FUNDC1: variants seen among roughly 807,000 people sequenced by gnomAD.
FUNDC1 encodes FUN14 domain containing 1.
FUNDC1 carries 10 observed loss-of-function variants against 14.5 expected under a neutral mutation model. The observed-to-expected ratio is 0.69, with a 90% CI of 0.43 to 1.17. The LOEUF (loss-of-function observed/expected upper bound fraction) is 1.17, where lower values mean the gene tolerates loss of function less well. Ranked by LOEUF, FUNDC1 falls within the 50% of genes most tolerant of loss-of-function variation. The pLI is 0.00. For missense variants in FUNDC1, 115 were observed against 113.8 expected (o/e 1.01, Z -0.05); for synonymous variants, 33 against 39.7 (o/e 0.83, Z 0.64).
At chrX:44,540,420 G>GTGTA (rs1453747504) in intron 2 of FUNDC1, among the ~76,000 whole-genome samples, 2 of 108,465 alleles carry the variant, frequency 1.8e-5, no homozygotes, top group African/African-American at 3.4e-5. Flanking sequence ...TGTGTTGTGT[G>GTGTA]TGTGTGTGTG....
At chrX:44,535,688 A>G (rs1174337414) in intron 3 of FUNDC1, among the ~76,000 whole-genome samples, 4 of 102,837 alleles carry the variant, frequency 3.9e-5, no homozygotes, top group Non-Finnish European at 7.9e-5. Flanking sequence ...AAAAAAAAAA[A>G]AAAAGAAAGA....
intron 3 of FUNDC1, among the ~76,000 whole-genome samples, chrX:44,528,271 T>C (rs747732490): frequency 6.2e-5 from 7 of 112,411 alleles, no homozygotes; most frequent in Non-Finnish European, 1.3e-4. Flanking sequence ...AAATATCTGA[T>C]TTTGCATAAA....
Position 44,538,498 on chromosome X carries a change from G to A in FUNDC1, c.230C>T (p.Thr77Ile). 8.3e-7 allele frequency: 1 copy of A among 1,208,662 alleles called. No homozygotes were observed. Among genetic ancestry groups the A allele is most frequent in the Non-Finnish European group, 1.1e-6 (1 of 892,741 alleles). ...LFQKVGKLAA[T>I]AVGGGFLLLQ... ...AAGAAGAAAGCCACCACCTACTGCA[G>A]TTGCTGCAAGTTTTCCAACTTTCTG... Residue 77 changes from threonine to isoleucine, a missense_variant, in exon 3 of 5, where the codon ACT becomes ATT. Coordinates refer to ENST00000378045, the MANE Select transcript of FUNDC1 (RefSeq NM_173794.4).
intron 4 of FUNDC1, 121 bp from the exon 5 acceptor site, chrX:44,524,396 G>A (rs761586651): frequency 5.8e-5 from 28 of 480,029 alleles, no homozygotes; most frequent in South Asian, 2.6e-4. Flanking sequence ...GATTCTGCTC[G>A]TATGAGTAGT....
Position 44,541,861 on chromosome X carries a change from T to G in FUNDC1, c.185+84A>C, listed in dbSNP as rs917269269. On this transcript the variant is annotated intron_variant, in intron 2 of 4. Transcript: ENST00000378045. Reference sequence around the variant, plus strand: ...ATTAACAGTGTAGACCTACTGCCTGTGCACGGTGATTCTTGCCCATGTATG... The same window carrying G: ...ATTAACAGTGTAGACCTACTGCCTGGGCACGGTGATTCTTGCCCATGTATG... 5.8e-6 allele frequency: 5 copies of G among 858,094 alleles called. No individual in the cohort carries two copies. The African/African-American group carries it at 6.1e-5, about 10-fold the overall frequency. The allele number at this position is 858,094 out of a possible 1,213,427, so 70.7% of individuals were successfully genotyped here. A position where few individuals can be genotyped will look rare whatever the true frequency, so the allele number is the denominator to read the frequency against.
At chrX:44,539,794 A>G (rs112465233) in intron 2 of FUNDC1, among the ~76,000 whole-genome samples, 1 of 110,545 alleles carries the variant, frequency 9.0e-6, no homozygotes, top group African/African-American at 3.3e-5. Context: ...AGCCTCCTGA[A>G]TAGCTGGGAT....
At chrX:44,540,652 G>T (rs778856476) in intron 2 of FUNDC1, among the ~76,000 whole-genome samples, 1 of 111,833 alleles carries the variant, frequency 8.9e-6, no homozygotes, top group African/African-American at 3.2e-5. Context: ...TCATCTACAA[G>T]GAGTCTGGTC....
At chrX:44,536,608 A>T (rs1479605794) in intron 3 of FUNDC1, among the ~76,000 whole-genome samples, 1 of 111,982 alleles carries the variant, frequency 8.9e-6, no homozygotes, top group Non-Finnish European at 1.9e-5. Context: ...TTCCCATTCC[A>T]TAATGGGAAG....
intron 2 of FUNDC1, among the ~76,000 whole-genome samples, chrX:44,539,956 C>T (rs951758234): frequency 9.0e-6 from 1 of 110,955 alleles, no homozygotes; most frequent in African/African-American, 3.3e-5. Context: ...TGTAAGCCAC[C>T]GCACCTGGCC....
intron 1 of FUNDC1, among the ~76,000 whole-genome samples, chrX:44,542,570 G>C (rs1213885825): frequency 9.1e-6 from 1 of 110,232 alleles, no homozygotes; most frequent in African/African-American, 3.3e-5. Context: ...GGCCGGAGGT[G>C]AAGGTAAGGC....
chrX:44,541,649 T>C (rs2038972246), intron 2 of FUNDC1, among the ~76,000 whole-genome samples: 1 of 111,282 alleles, frequency 9.0e-6, no homozygotes, highest in African/African-American at 3.3e-5. Flanking sequence ...CTATCTACTA[T>C]CACTGAATCA....
intron 3 of FUNDC1, among the ~76,000 whole-genome samples, chrX:44,534,725 A>T (rs1445069263): frequency 8.9e-6 from 1 of 112,404 alleles, no homozygotes; most frequent in African/African-American, 3.2e-5. Context: ...TTAATAAATT[A>T]TCAAACAAAT....
chrX:44,534,571 G>A (rs2038939893), intron 3 of FUNDC1, among the ~76,000 whole-genome samples: 1 of 106,929 alleles, frequency 9.4e-6, no homozygotes. Context: ...AGAATACTGA[G>A]GACAAAAGAA....
chrX:44,536,627 T>C (rs1428516695), intron 3 of FUNDC1, among the ~76,000 whole-genome samples: 1 of 111,656 alleles, frequency 9.0e-6, no homozygotes, highest in Non-Finnish European at 1.9e-5. Flanking sequence ...AGCCAATAGT[T>C]CACACCTAAA....
At chrX:44,530,714 G>A (rs1486092520) in intron 3 of FUNDC1, among the ~76,000 whole-genome samples, 3 of 110,828 alleles carry the variant, frequency 2.7e-5, no homozygotes, top group Non-Finnish European at 5.7e-5. Context: ...CCAGGAGTTC[G>A]AGATCAGCCA....
In FUNDC1 at chrX:44,542,004, T is replaced by A; in HGVS notation, c.126A>T (p.Gly42=). ...CTACTGAGTATTTTTCTACCATAGG[T>A]CCCGAACTGTGGCCAAACACTCGAT... The part of the protein sequence containing the change: ...WWNRVFGHSS[G]PMVEKYSVAT... Residue 42 remains glycine (G), a synonymous_variant, in exon 2 of 5, where the codon GGA becomes GGT. Transcript: ENST00000378045. The A allele has an allele frequency of 8.3e-7, 1 of 1,206,575 alleles. No individual in the cohort carries two copies. Among genetic ancestry groups the A allele is most frequent in the Non-Finnish European group, 1.1e-6 (1 of 891,993 alleles).
At chrX:44,524,372 A>G in intron 4 of FUNDC1, 97 bp from the exon 5 acceptor site, 2 of 563,435 alleles carry the variant, frequency 3.5e-6, no homozygotes, top group Non-Finnish European at 6.0e-6. Flanking sequence ...GACAAAAAAG[A>G]ACAGATATTA....
intron 4 of FUNDC1, among the ~76,000 whole-genome samples, chrX:44,526,112 CAAAAAAAACAAA>C (rs777245541): frequency 0.39 from 12,925 of 33,306 alleles, 868 homozygotes; most frequent in Non-Finnish European, 0.53. Flanking sequence ...AGACCTGTCT[CAAAAAAAACAAA>C]AAAAAAAAAC....
At chrX:44,530,876 T>G (rs1189105919) in intron 3 of FUNDC1, among the ~76,000 whole-genome samples, 1 of 109,757 alleles carries the variant, frequency 9.1e-6, no homozygotes, top group East Asian at 2.9e-4. Flanking sequence ...TGCAGTGAGC[T>G]GAGATCTCGC....
Sources: allele counts gnomAD v4.1 joint callset (sites outside exome capture counted in the v4.1 genomes callset), GRCh38; gene constraint gnomAD v4.1.1; transcripts MANE v1.5; gene names NCBI Gene and HGNC (gene_info 2026-07-23, HGNC 2026-07-21).